The following NR1H4 variants were observed in gnomAD, a reference collection of about 807,000 sequenced individuals.
The protein encoded by NR1H4 is nuclear receptor subfamily 1 group H member 4.
A neutral mutation model predicts 58.5 loss-of-function variants in NR1H4; 23 were observed. That is an observed-to-expected ratio of 0.39 (90% CI 0.28 to 0.56). The LOEUF is 0.56. NR1H4 is among the 20% of genes least tolerant of loss of function. The probability of loss-of-function intolerance (pLI) is 0.58; values close to 1 mark genes in which losing one functional copy is unlikely to be tolerated. For synonymous variants in NR1H4, 214 were observed against 198.0 expected, an observed-to-expected ratio of 1.08 and a Z score of -0.68; for missense variants, 487 against 576.9, an observed-to-expected ratio of 0.84 and a Z score of 1.60.
At chr12:100,478,061 T>C (rs575958152) in intron 1 of NR1H4, among the ~76,000 whole-genome samples, 5 of 152,258 alleles carry the variant, frequency 3.3e-5, no homozygotes, top group South Asian at 4.1e-4. Context: ...AACACCAAGA[T>C]TGAGCCCTAA....
intron 5 of NR1H4, among the ~76,000 whole-genome samples, chr12:100,534,013 C>T (rs1421164420): frequency 6.6e-6 from 1 of 151,872 alleles, no homozygotes; most frequent in Non-Finnish European, 1.5e-5. Context: ...TCTCCTGCCT[C>T]AGCCTCCCGA....
intron 9 of NR1H4, among the ~76,000 whole-genome samples, chr12:100,561,216 G>A (rs1163045959): frequency 6.6e-6 from 1 of 151,662 alleles, no homozygotes; most frequent in African/African-American, 2.4e-5. Flanking sequence ...CTAACACGGT[G>A]AAACCCAGTC....
At chr12:100,494,421 T>C (rs1376056471) in intron 3 of NR1H4, among the ~76,000 whole-genome samples, 2 of 152,220 alleles carry the variant, frequency 1.3e-5, no homozygotes, top group African/African-American at 2.4e-5. Flanking sequence ...AATATTTTAT[T>C]ATCCAGTGCA....
chr12:100,490,106 T>C (rs1015950871), intron 1 of NR1H4, among the ~76,000 whole-genome samples: 1 of 152,242 alleles, frequency 6.6e-6, no homozygotes, highest in African/African-American at 2.4e-5. Flanking sequence ...TCAAATGTCA[T>C]AGAATTTGGC....
intron 3 of NR1H4, among the ~76,000 whole-genome samples, chr12:100,497,036 G>A (rs141778099): frequency 2.0e-5 from 3 of 152,212 alleles, no homozygotes. Flanking sequence ...GAGTGGAGGC[G>A]AGGGAGTGGG....
chr12:100,498,522 C>T (rs1953763671), intron 3 of NR1H4, among the ~76,000 whole-genome samples: 1 of 151,858 alleles, frequency 6.6e-6, no homozygotes, highest in Non-Finnish European at 1.5e-5. Flanking sequence ...CCTGTAATCC[C>T]AGCTACTCGG....
At chr12:100,482,801 C>T (rs1366038198) in intron 1 of NR1H4, among the ~76,000 whole-genome samples, 1 of 152,180 alleles carries the variant, frequency 6.6e-6, no homozygotes, top group Non-Finnish European at 1.5e-5. Context: ...GAAGCCTCAA[C>T]TCCAGGTGCT....
intron 4 of NR1H4, among the ~76,000 whole-genome samples, chr12:100,513,833 GA>G (rs1443978536): frequency 0.012 from 1,764 of 143,714 alleles, 50 homozygotes; most frequent in African/African-American, 0.041. Flanking sequence ...AGGAAGGAAG[GA>G]AGGAAGGAAG....
At chr12:100,552,194 G>C (rs913469487) in intron 9 of NR1H4, among the ~76,000 whole-genome samples, 1 of 152,160 alleles carries the variant, frequency 6.6e-6, no homozygotes, top group Non-Finnish European at 1.5e-5. Flanking sequence ...GTTGAATCTG[G>C]AACTTGACAG....
At chr12:100,501,897 A>T (rs1296639282) in intron 3 of NR1H4, among the ~76,000 whole-genome samples, 1 of 152,192 alleles carries the variant, frequency 6.6e-6, no homozygotes, top group East Asian at 1.9e-4. Flanking sequence ...CCTGGGCTCC[A>T]CCCTGGATCA....
At chr12:100,490,921 G>A (rs1205381231) in intron 1 of NR1H4, among the ~76,000 whole-genome samples, 3 of 152,136 alleles carry the variant, frequency 2.0e-5, no homozygotes, top group Non-Finnish European at 2.9e-5. Context: ...TTCCCAAGTA[G>A]CTTGGCTGGG....
chr12:100,558,375 A>G (rs1163193237), intron 9 of NR1H4, among the ~76,000 whole-genome samples: 12 of 139,340 alleles, frequency 8.6e-5, no homozygotes, highest in East Asian at 8.0e-4. Context: ...AAAAAAAAAA[A>G]AGAGACAGCA....
At chr12:100,492,270 GAT>G (rs1433162608) in intron 1 of NR1H4, among the ~76,000 whole-genome samples, 1 of 152,036 alleles carries the variant, frequency 6.6e-6, no homozygotes, top group African/African-American at 2.4e-5. Flanking sequence ...GAGAAAGAGA[GAT>G]ACGAATAATG....
At chr12:100,562,699 T>C (rs1259139125) in intron 10 of NR1H4, among the ~76,000 whole-genome samples, 3 of 152,240 alleles carry the variant, frequency 2.0e-5, no homozygotes, top group Non-Finnish European at 4.4e-5. Context: ...TTTTGGTTGT[T>C]GAAATGATAC....
chr12:100,487,632 G>A (rs1175062769), intron 1 of NR1H4, among the ~76,000 whole-genome samples: 1 of 119,978 alleles, frequency 8.3e-6, no homozygotes, highest in Non-Finnish European at 1.6e-5. Flanking sequence ...GTCTCACTCT[G>A]TTGCCCAGGC....
intron 9 of NR1H4, among the ~76,000 whole-genome samples, chr12:100,553,148 G>A (rs913204873): frequency 6.6e-6 from 1 of 152,114 alleles, no homozygotes; most frequent in African/African-American, 2.4e-5. Context: ...ACAGGCGCGT[G>A]CCACCACACC....
chr12:100,509,318 T>C (rs1462591979), intron 3 of NR1H4, among the ~76,000 whole-genome samples: 2 of 152,358 alleles, frequency 1.3e-5, no homozygotes, highest in East Asian at 3.9e-4. Context: ...TTTCAGCATT[T>C]GCATAATTTC....
chr12:100,527,003 T>C (rs1198287329), intron 4 of NR1H4, among the ~76,000 whole-genome samples: 1 of 152,082 alleles, frequency 6.6e-6, no homozygotes. Context: ...GAAAAAGCAA[T>C]AGAAGCAAGA....
intron 9 of NR1H4, among the ~76,000 whole-genome samples, chr12:100,546,705 C>CAAAA (rs1178761126): frequency 6.6e-6 from 1 of 150,854 alleles, no homozygotes; most frequent in African/African-American, 2.5e-5. Context: ...AAAAAACAAA[C>CAAAA]AAACAAACAA....
Sources: allele counts gnomAD v4.1 joint callset (sites outside exome capture counted in the v4.1 genomes callset), GRCh38; gene constraint gnomAD v4.1.1; transcripts MANE v1.5; gene names NCBI Gene and HGNC (gene_info 2026-07-23, HGNC 2026-07-21).